Variants in DNER observed in about 807,000 individuals in gnomAD.
The protein encoded by DNER is delta/notch like EGF repeat containing, also known as delta and Notch-like epidermal growth factor-related receptor.
A neutral mutation model predicts 78.2 loss-of-function variants in DNER; 33 were observed. That is an observed-to-expected ratio of 0.42 (90% CI 0.32 to 0.56). The LOEUF is 0.56. DNER is among the 20% of genes least tolerant of loss of function. DNER has a pLI of 0.11. For synonymous variants in DNER, 417 were observed against 384.8 expected (o/e 1.08, Z -0.98); for missense variants, 918 against 975.3 (o/e 0.94, Z 0.78).
At chr2:229,428,433 T>C (rs943219021) in intron 8 of DNER, among the ~76,000 whole-genome samples, 1 of 152,154 alleles carries the variant, frequency 6.6e-6, no homozygotes, top group African/African-American at 2.4e-5. Context: ...CCCAGATTCC[T>C]GGCTGTTTTG....
At chr2:229,441,237 TTCTGAACTATTGTTCAGAA>T in intron 8 of DNER, among the ~76,000 whole-genome samples, 1 of 152,102 alleles carries the variant, frequency 6.6e-6, no homozygotes, top group Non-Finnish European at 1.5e-5. Flanking sequence ...TCATTGGAAA[TTCTGAACTATTGTTCAGAA>T]TTTTATATGA....
intron 5 of DNER, among the ~76,000 whole-genome samples, chr2:229,535,859 T>G (rs1574890313): frequency 6.6e-6 from 1 of 151,984 alleles, no homozygotes; most frequent in African/African-American, 2.4e-5. Context: ...GGCCAGGCTG[T>G]TCTCAAACTC....
chr2:229,423,056 C>T (rs1264362527), intron 8 of DNER, among the ~76,000 whole-genome samples: 1 of 151,996 alleles, frequency 6.6e-6, no homozygotes, highest in Non-Finnish European at 1.5e-5. Flanking sequence ...CTGTGCTAGC[C>T]CTTAGATGGT....
At chr2:229,575,207 A>G (rs759579608) in intron 4 of DNER, among the ~76,000 whole-genome samples, 24 of 152,156 alleles carry the variant, frequency 1.6e-4, no homozygotes, top group Non-Finnish European at 3.2e-4. Flanking sequence ...AGGCAGAATG[A>G]GGAAGGAGAG....
intron 6 of DNER, among the ~76,000 whole-genome samples, chr2:229,479,266 T>A (rs1695103098): frequency 6.6e-6 from 1 of 152,210 alleles, no homozygotes; most frequent in African/African-American, 2.4e-5. Context: ...CAGAGCCCTG[T>A]GTCCAAGCCC....
intron 11 of DNER, among the ~76,000 whole-genome samples, chr2:229,382,325 G>C (rs982135390): frequency 2.6e-5 from 4 of 152,226 alleles, no homozygotes; most frequent in African/African-American, 9.6e-5. Context: ...AGCACAAAAA[G>C]GCTAAAAATT....
At chr2:229,670,915 T>A (rs1048292019) in intron 1 of DNER, among the ~76,000 whole-genome samples, 1 of 152,212 alleles carries the variant, frequency 6.6e-6, no homozygotes, top group Non-Finnish European at 1.5e-5. Context: ...GTCTAGTGTA[T>A]AATTTCAGTG....
At chr2:229,437,651 A>G (rs1297302207) in intron 8 of DNER, among the ~76,000 whole-genome samples, 1 of 152,218 alleles carries the variant, frequency 6.6e-6, no homozygotes, top group African/African-American at 2.4e-5. Flanking sequence ...CATGATTGAC[A>G]TTGACGGCAA....
At chr2:229,423,292 C>A (rs1333008637) in intron 8 of DNER, among the ~76,000 whole-genome samples, 2 of 152,140 alleles carry the variant, frequency 1.3e-5, no homozygotes, top group African/African-American at 4.8e-5. Context: ...AACCTAACTT[C>A]TTTATATGTA....
At chr2:229,413,408 C>T (rs558217718) in intron 9 of DNER, among the ~76,000 whole-genome samples, 7 of 147,384 alleles carry the variant, frequency 4.7e-5, no homozygotes, top group East Asian at 2.0e-4. Flanking sequence ...CTGCAATCTC[C>T]GCCTCCCGGG....
chr2:229,391,892 T>C (rs1693024058), intron 10 of DNER, among the ~76,000 whole-genome samples: 1 of 152,150 alleles, frequency 6.6e-6, no homozygotes, highest in Non-Finnish European at 1.5e-5. Context: ...GTAAGTACAG[T>C]GGGTATCACA....
intron 1 of DNER, among the ~76,000 whole-genome samples, chr2:229,683,132 GA>G (rs1372144416): frequency 6.6e-6 from 1 of 152,148 alleles, no homozygotes; most frequent in African/African-American, 2.4e-5. Flanking sequence ...TCCATCAACT[GA>G]ATACCTTCTA....
At chr2:229,393,755 G>A (rs943389264) in intron 10 of DNER, among the ~76,000 whole-genome samples, 2 of 151,994 alleles carry the variant, frequency 1.3e-5, no homozygotes, top group Non-Finnish European at 2.9e-5. Flanking sequence ...GCTGAGGCAG[G>A]AGAATGGCGT....
At chr2:229,503,785 T>C (rs1379109214) in intron 6 of DNER, among the ~76,000 whole-genome samples, 2 of 152,202 alleles carry the variant, frequency 1.3e-5, no homozygotes, top group African/African-American at 2.4e-5. Flanking sequence ...CTCTGTCACC[T>C]GGGTTGAATA....
intron 1 of DNER, among the ~76,000 whole-genome samples, chr2:229,664,630 T>C (rs1699059321): frequency 6.6e-6 from 1 of 152,170 alleles, no homozygotes; most frequent in South Asian, 2.1e-4. Context: ...GTTATGCTCA[T>C]CCCCATTCCC....
At chr2:229,663,286 C>T (rs1035689909) in intron 1 of DNER, among the ~76,000 whole-genome samples, 17 of 152,182 alleles carry the variant, frequency 1.1e-4, no homozygotes, top group African/African-American at 3.9e-4. Context: ...TGTTATGCTG[C>T]AAGTCAATCA....
At chr2:229,649,300 T>G (rs748777010) in intron 1 of DNER, among the ~76,000 whole-genome samples, 2 of 152,244 alleles carry the variant, frequency 1.3e-5, no homozygotes, top group Non-Finnish European at 2.9e-5. Context: ...AAAGATGCTT[T>G]GGAAATTTTA....
chr2:229,512,437 A>G (rs993949494), intron 6 of DNER, among the ~76,000 whole-genome samples: 4 of 152,116 alleles, frequency 2.6e-5, no homozygotes, highest in African/African-American at 9.7e-5. Flanking sequence ...GGGACAGGAT[A>G]CTATCACTCT....
chr2:229,554,665 G>T (rs1352829171), intron 4 of DNER, among the ~76,000 whole-genome samples: 1 of 151,858 alleles, frequency 6.6e-6, no homozygotes, highest in African/African-American at 2.4e-5. Context: ...TTCCAGCCTG[G>T]GTGACGGAGT....
Sources: gnomAD v4.1 joint callset for allele counts (sites outside exome capture counted in the v4.1 genomes callset) on GRCh38, gnomAD v4.1.1 for gene constraint, MANE v1.5 for transcripts, NCBI Gene and HGNC (gene_info 2026-07-23, HGNC 2026-07-21) for gene names.